Variants in KCNIP4 observed in about 807,000 individuals in gnomAD.
KCNIP4 encodes Kv channel-interacting protein 4.
KCNIP4 carries 12 observed loss-of-function variants against 34.0 expected under a neutral mutation model. The observed-to-expected ratio is 0.35, with a 90% CI of 0.23 to 0.57. KCNIP4 has a LOEUF of 0.57. KCNIP4 is among the 20% of genes least tolerant of loss of function. The probability of loss-of-function intolerance (pLI) is 0.83; values close to 1 mark genes in which losing one functional copy is unlikely to be tolerated. For synonymous variants in KCNIP4, 124 were observed against 102.2 expected (o/e 1.21, Z -1.29); for missense variants, 238 against 311.7 (o/e 0.76, Z 1.78).
At chr4:21,111,029 T>C (rs59916150) in intron 1 of KCNIP4, among the ~76,000 whole-genome samples, 44,278 of 152,130 alleles carry the variant, frequency 0.29, 7,109 homozygotes, top group African/African-American at 0.44. Flanking sequence ...CAAATTTAAA[T>C]AGAATTTTAA....
intron 1 of KCNIP4, among the ~76,000 whole-genome samples, chr4:21,119,262 A>G (rs553561544): frequency 6.6e-6 from 1 of 152,060 alleles, no homozygotes. Flanking sequence ...AGCTTCCTCC[A>G]GGCTCCAGAG....
intron 1 of KCNIP4, among the ~76,000 whole-genome samples, chr4:21,772,479 G>T (rs1718868909): frequency 1.3e-5 from 2 of 152,104 alleles, no homozygotes; most frequent in Admixed American, 1.3e-4. Context: ...CAATTGTTTG[G>T]AATAGTTTCA....
chr4:21,138,526 C>A (rs1249238396), intron 1 of KCNIP4, among the ~76,000 whole-genome samples: 1 of 110,046 alleles, frequency 9.1e-6, no homozygotes, highest in Non-Finnish European at 1.9e-5. Flanking sequence ...CTTTCTTTTT[C>A]TTCTTCTTTT....
At position 20,956,814 on chromosome 4, in the gene KCNIP4, G is replaced by T. The variant is rs187715000; in HGVS notation, c.62-74105C>A. On this transcript the variant is annotated intron_variant, in intron 1 of 8. Transcript: ENST00000382152. Reference sequence around the variant, plus strand: ...CTATTTACAAATTTATGAGATGCTGGACAGGATAGCTTTTAATAGAACTGA... The same window carrying T: ...CTATTTACAAATTTATGAGATGCTGTACAGGATAGCTTTTAATAGAACTGA... Among the ~76,000 whole-genome samples the T allele has an allele frequency of 7.9e-5, 12 of 152,290 alleles. No individual in the cohort carries two copies. In the East Asian group the frequency reaches 2.3e-3, roughly 29 times the overall value.
rs188609655 is a variant in KCNIP4, at chr4:21,580,412, C to T, written c.61+368159G>A. Among the ~76,000 whole-genome samples, 86 of 152,074 alleles carry T rather than the reference C, an allele frequency of 5.7e-4. 1 individual carries two copies. The highest frequency in any genetic ancestry group is 4.3e-4 in the African/African-American group (18 of 41,504). On this transcript the variant is annotated intron_variant, in intron 1 of 8. Transcript: ENST00000382152. ...TTTTAAAGCCAGCCTTCTTTGTATA[C>T]GAAAGTTTTGCTCAAGATATTTAAA...
chr4:21,474,576 C>T (rs1730755520), intron 1 of KCNIP4, among the ~76,000 whole-genome samples: 1 of 152,110 alleles, frequency 6.6e-6, no homozygotes, highest in South Asian at 2.1e-4. Context: ...AAGCCTTTCC[C>T]CAAAGCATTA....
chr4:21,044,063 A>C (rs904125042), intron 1 of KCNIP4, among the ~76,000 whole-genome samples: 5 of 152,106 alleles, frequency 3.3e-5, no homozygotes, highest in Admixed American at 6.5e-5. Flanking sequence ...CTTATCAAAC[A>C]TCTGAACATT....
intron 1 of KCNIP4, among the ~76,000 whole-genome samples, chr4:21,225,823 G>GACAA (rs1450484658): frequency 3.3e-5 from 5 of 152,106 alleles, no homozygotes; most frequent in South Asian, 2.1e-4. Context: ...TTTAGTTGGA[G>GACAA]ACAAGATAGG....
In KCNIP4 at chr4:21,664,027, C is replaced by G. The variant is rs181555004; in HGVS notation, c.61+284544G>C. ...TGGCACAACCTTGGCTCACTGCAAC[C>G]TCTGCCTCCCTGGCTCAAGTGCTTT... is the stretch of plus-strand genomic sequence containing the variant. On this transcript the variant is annotated intron_variant, in intron 1 of 8. Coordinates refer to ENST00000382152, the MANE Select transcript of KCNIP4 (RefSeq NM_025221.6). Among the ~76,000 whole-genome samples, 960 of 152,300 alleles carry G rather than the reference C, an allele frequency of 6.3e-3. 6 individuals carry two copies. The highest frequency in any genetic ancestry group is 8.3e-3 in the Non-Finnish European group (567 of 68,030).
chr4:21,798,663 G>T (rs1560722776), intron 1 of KCNIP4, among the ~76,000 whole-genome samples: 1 of 151,562 alleles, frequency 6.6e-6, no homozygotes, highest in Non-Finnish European at 1.5e-5. Flanking sequence ...AAGCTGTTAA[G>T]CTTTTTGGAG....
chr4:21,519,478 G>GTA (rs750206862), intron 1 of KCNIP4, among the ~76,000 whole-genome samples: 781 of 72,280 alleles, frequency 0.011, 139 homozygotes, highest in African/African-American at 0.032. Context: ...ATGTGTATGT[G>GTA]TATATACACA....
At chr4:21,282,046 A>G (rs867304991) in intron 1 of KCNIP4, among the ~76,000 whole-genome samples, 1 of 152,352 alleles carries the variant, frequency 6.6e-6, no homozygotes, top group Admixed American at 6.5e-5. Flanking sequence ...GGATGTGATC[A>G]CTAAAAAGAC....
Position 21,329,760 on chromosome 4 carries a change from C to T in KCNIP4, c.62-447051G>A, listed in dbSNP as rs193193256. 3.1e-3 allele frequency among the ~76,000 whole-genome samples: 470 copies of T among 152,274 alleles called. 6 individuals are homozygous for T. The highest frequency in any genetic ancestry group is 0.011 in the African/African-American group (441 of 41,554). ...CTCCAAGAAGAGGGGATATTACATA[C>T]AATACCATGCAGGTAGAAAGATTAT... On this transcript the variant is annotated intron_variant, in intron 1 of 8. Coordinates refer to ENST00000382152, the MANE Select transcript of KCNIP4 (RefSeq NM_025221.6).
intron 1 of KCNIP4, among the ~76,000 whole-genome samples, chr4:21,093,983 G>A (rs1443995460): frequency 1.3e-5 from 2 of 152,088 alleles, no homozygotes; most frequent in East Asian, 1.9e-4. Context: ...TCAGGAGGCT[G>A]AGGCAGGAGA....
intron 1 of KCNIP4, among the ~76,000 whole-genome samples, chr4:21,375,375 G>C (rs1401603705): frequency 1.3e-5 from 2 of 152,062 alleles, no homozygotes; most frequent in Non-Finnish European, 2.9e-5. Flanking sequence ...ATTGACTTGG[G>C]CCATTTACTT....
At chr4:21,623,095 T>C (rs960787390) in intron 1 of KCNIP4, among the ~76,000 whole-genome samples, 2 of 152,204 alleles carry the variant, frequency 1.3e-5, no homozygotes, top group African/African-American at 4.8e-5. Flanking sequence ...AGTACTATGA[T>C]TTCCAATTAG....
chr4:21,540,898 C>T lies in KCNIP4; in HGVS notation c.61+407673G>A, dbSNP rs572284263. On this transcript the variant is annotated intron_variant, in intron 1 of 8. Transcript: ENST00000382152. ...ATAAATCAAGAGATGAGGCCTGGCACGGTGGCTCACGCCTGTAATCCCAGC... is the reference window on the plus strand; with the variant it reads ...ATAAATCAAGAGATGAGGCCTGGCATGGTGGCTCACGCCTGTAATCCCAGC... Among the ~76,000 whole-genome samples the T allele has an allele frequency of 1.9e-4, 29 of 152,060 alleles. No individual in the cohort carries two copies. The East Asian group carries it at 4.9e-3, about 25-fold the overall frequency.
chr4:21,808,586 T>G (rs1183901144), intron 1 of KCNIP4, among the ~76,000 whole-genome samples: 2 of 152,170 alleles, frequency 1.3e-5, no homozygotes. Flanking sequence ...AGTTAAGTTT[T>G]GAGGGGGAGT....
intron 1 of KCNIP4, among the ~76,000 whole-genome samples, chr4:21,731,973 T>C (rs1166529640): frequency 6.6e-6 from 1 of 151,796 alleles, no homozygotes; most frequent in East Asian, 1.9e-4. Context: ...ATTTATTATA[T>C]ATGCTCCAGC....
Sources: allele counts gnomAD v4.1 joint callset (sites outside exome capture counted in the v4.1 genomes callset), GRCh38; gene constraint gnomAD v4.1.1; transcripts MANE v1.5; gene names NCBI Gene and HGNC (gene_info 2026-07-23, HGNC 2026-07-21).